The following NDST4 variants were observed in gnomAD, a reference collection of about 807,000 sequenced individuals.
NDST4 encodes the protein N-deacetylase and N-sulfotransferase 4.
Under a neutral mutation model 100.8 loss-of-function variants are expected in NDST4, and 63 were observed. The observed-to-expected ratio is 0.62, with a 90% CI of 0.51 to 0.77. The LOEUF is 0.77. Among genes scored for constraint, NDST4 ranks in the 30% least tolerant of loss-of-function variants. The pLI is 0.00. For missense variants in NDST4, 943 were observed against 1,018.4 expected (o/e 0.93, Z 1.01); for synonymous variants, 377 against 361.8 (o/e 1.04, Z -0.48).
At chr4:114,946,802 A>C (rs1725875851) in intron 4 of NDST4, among the ~76,000 whole-genome samples, 1 of 152,216 alleles carries the variant, frequency 6.6e-6, no homozygotes, top group Non-Finnish European at 1.5e-5. Flanking sequence ...GAATGGGTAC[A>C]GATCTTTTAG....
intron 10 of NDST4, among the ~76,000 whole-genome samples, chr4:114,840,122 A>G (rs981340820): frequency 3.9e-5 from 6 of 152,148 alleles, no homozygotes; most frequent in African/African-American, 1.4e-4. Flanking sequence ...TCTATTTCTC[A>G]TGCTTGTTTA....
chr4:114,858,505 T>A (rs950388872), intron 7 of NDST4, among the ~76,000 whole-genome samples: 3 of 152,296 alleles, frequency 2.0e-5, no homozygotes, highest in South Asian at 4.1e-4. Flanking sequence ...CTGAGAGTGA[T>A]GGAAAGGCCA....
intron 2 of NDST4, among the ~76,000 whole-genome samples, chr4:114,985,901 G>T (rs559897713): frequency 8.5e-5 from 13 of 152,266 alleles, no homozygotes; most frequent in Non-Finnish European, 1.8e-4. Context: ...GACCTGGGGA[G>T]TCTGCTCCAA....
intron 1 of NDST4, among the ~76,000 whole-genome samples, chr4:115,105,237 T>G (rs1729811976): frequency 6.6e-6 from 1 of 152,150 alleles, no homozygotes; most frequent in African/African-American, 2.4e-5. Context: ...TCTTTAAAAT[T>G]TAGAAGTTTA....
chr4:115,099,471 A>G (rs1484405969), intron 1 of NDST4, among the ~76,000 whole-genome samples: 3 of 152,292 alleles, frequency 2.0e-5, no homozygotes, highest in South Asian at 2.1e-4. Flanking sequence ...TCCATAGTAG[A>G]AAAACAACCC....
Position 114,935,421 on chromosome 4 carries a change from G to A in NDST4, c.1408-87C>T, listed in dbSNP as rs1452045806. ...CTCATAACTTTAGAATCTGCAAATT[G>A]TAATTTCCTATTGGATTTTCTTGGT... On this transcript the variant is annotated intron_variant, in intron 5 of 13. Transcript: ENST00000264363. The A allele has an allele frequency of 4.0e-6, 5 of 1,262,164 alleles. No homozygotes were observed. The East Asian group carries it at 1.1e-4, about 29-fold the overall frequency. The allele number at this position is 1,262,164 out of a possible 1,614,324, so 78.2% of individuals were successfully genotyped here. A position where few individuals can be genotyped will look rare whatever the true frequency, so the allele number is the denominator to read the frequency against.
intron 2 of NDST4, among the ~76,000 whole-genome samples, chr4:115,048,568 G>T (rs1027035920): frequency 2.0e-5 from 3 of 152,082 alleles, no homozygotes; most frequent in Non-Finnish European, 4.4e-5. Context: ...TTACACGCGT[G>T]AGCCACCGTG....
chr4:114,939,329 C>T (rs1259857429), intron 4 of NDST4, among the ~76,000 whole-genome samples: 1 of 152,104 alleles, frequency 6.6e-6, no homozygotes, highest in Non-Finnish European at 1.5e-5. Context: ...AGAGGTGCTC[C>T]TGATGTACAG....
chr4:114,930,100 A>G (rs1280267162), intron 6 of NDST4, among the ~76,000 whole-genome samples: 1 of 152,238 alleles, frequency 6.6e-6, no homozygotes, highest in Non-Finnish European at 1.5e-5. Flanking sequence ...ACTTGCTTTC[A>G]TTAACATTTA....
At chr4:115,061,050 C>A (rs138262885) in intron 2 of NDST4, among the ~76,000 whole-genome samples, 5,746 of 151,802 alleles carry the variant, frequency 0.038, 300 homozygotes, top group African/African-American at 0.11. Context: ...TTTATGCAGC[C>A]AACAAACATA....
intron 2 of NDST4, among the ~76,000 whole-genome samples, chr4:115,031,171 G>T (rs1017669426): frequency 1.3e-5 from 2 of 152,046 alleles, no homozygotes; most frequent in Non-Finnish European, 2.9e-5. Flanking sequence ...CCCCAGCCCA[G>T]ATTTAACTTG....
In NDST4 at chr4:114,833,518, A is replaced by G. The variant is rs112472038; in HGVS notation, c.2396+88T>C. ...AGCATAGGATGTATAAATTCTAGCT[A>G]GTATTAATGATGTTATATACACACC... is the stretch of plus-strand genomic sequence containing the variant. On this transcript the variant is annotated intron_variant, in intron 12 of 13. Coordinates refer to ENST00000264363, the MANE Select transcript of NDST4 (RefSeq NM_022569.3). The G allele has an allele frequency of 5.8e-3, 4,518 of 779,382 alleles. 38 individuals carry two copies. Among genetic ancestry groups the G allele is most frequent in the Non-Finnish European group, 6.5e-3 (2,959 of 451,922 alleles). The allele number at this position is 779,382 out of a possible 1,614,324, so 48.3% of individuals were successfully genotyped here. A position where few individuals can be genotyped will look rare whatever the true frequency, so the allele number is the denominator to read the frequency against.
intron 7 of NDST4, among the ~76,000 whole-genome samples, chr4:114,866,910 T>C (rs767579775): frequency 2.0e-5 from 3 of 152,196 alleles, no homozygotes; most frequent in Non-Finnish European, 4.4e-5. Flanking sequence ...GTCAGATCCT[T>C]CTAAAGTGAG....
intron 6 of NDST4, among the ~76,000 whole-genome samples, chr4:114,927,820 A>G (rs1377102475): frequency 1.3e-5 from 2 of 152,190 alleles, no homozygotes. Context: ...GAAATCCAGC[A>G]TAGATTGGCT....
At chr4:115,011,521 A>T (rs1210749075) in intron 2 of NDST4, among the ~76,000 whole-genome samples, 4 of 151,390 alleles carry the variant, frequency 2.6e-5, no homozygotes, top group Admixed American at 2.6e-4. Context: ...TGGTAGCTTT[A>T]TGAACTAACA....
rs377039294 is a variant in NDST4 at position 114,916,592 on chromosome 4, A to ATG, written c.1536+18612_1536+18613dup. On this transcript the variant is annotated intron_variant, in intron 6 of 13. Transcript: ENST00000264363. ...TGTGTGTGTGTGTGTGTTTGTGTGT[A>ATG]TGTGTGTGTGTGTGGCAGTGGAAAT... Among the ~76,000 whole-genome samples, 393 of 85,654 alleles carry ATG rather than the reference A, an allele frequency of 4.6e-3. 4 individuals are homozygous for ATG. Among genetic ancestry groups the ATG allele is most frequent in the African/African-American group, 0.016 (382 of 23,206 alleles). The allele number at this position is 85,654 out of a possible 152,430, so 56.2% of individuals were successfully genotyped here. A position where few individuals can be genotyped will look rare whatever the true frequency, so the allele number is the denominator to read the frequency against.
intron 1 of NDST4, among the ~76,000 whole-genome samples, chr4:115,078,697 C>T (rs1256300994): frequency 6.6e-6 from 1 of 151,862 alleles, no homozygotes; most frequent in South Asian, 2.1e-4. Context: ...AAAAAATTAG[C>T]AGGCATGGTG....
intron 2 of NDST4, among the ~76,000 whole-genome samples, chr4:115,048,236 T>A (rs1349081404): frequency 6.6e-6 from 1 of 152,088 alleles, no homozygotes; most frequent in East Asian, 1.9e-4. Context: ...TTGAACCAGT[T>A]AAAAGAACTG....
chr4:115,002,325 TTGCCCAC>T (rs1202597644), intron 2 of NDST4, among the ~76,000 whole-genome samples: 2 of 152,216 alleles, frequency 1.3e-5, no homozygotes, highest in Non-Finnish European at 2.9e-5. Context: ...TTCATATCCT[TTGCCCAC>T]TTTTTGATGG....
Sources: allele counts gnomAD v4.1 joint callset (sites outside exome capture counted in the v4.1 genomes callset), GRCh38; gene constraint gnomAD v4.1.1; transcripts MANE v1.5; gene names NCBI Gene and HGNC (gene_info 2026-07-23, HGNC 2026-07-21).